Variants in PTGFRN observed in about 807,000 individuals in gnomAD.
PTGFRN encodes the protein prostaglandin F2 receptor inhibitor, also known as prostaglandin F2 receptor negative regulator.
In PTGFRN, 35 loss-of-function variants were observed where a neutral mutation model predicts 83.2. The ratio of observed to expected loss-of-function variants is 0.42; its 90% CI spans 0.32 to 0.56. The LOEUF is 0.56. PTGFRN is among the 20% of genes least tolerant of loss of function. PTGFRN has a pLI of 0.11. For synonymous variants in PTGFRN, 519 were observed against 498.6 expected (o/e 1.04, Z -0.55); for missense variants, 1,051 against 1,179.5 (o/e 0.89, Z 1.60).
chr1:116,947,063 G>A (rs541713631), intron 3 of PTGFRN, among the ~76,000 whole-genome samples: 2 of 152,270 alleles, frequency 1.3e-5, no homozygotes, highest in South Asian at 2.1e-4. Context: ...TAAAGATGGA[G>A]TTTTTTTCCC....
In PTGFRN at chr1:116,944,758, G is replaced by A. The variant is rs1221574467; in HGVS notation, c.498G>A (p.Glu166=). 6.6e-7 allele frequency: 1 copy of A among 1,518,854 alleles called. No homozygotes were observed. Among genetic ancestry groups the A allele is most frequent in the South Asian group, 1.3e-5 (1 of 79,106 alleles). The allele number at this position is 1,518,854 out of a possible 1,614,324, so 94.1% of individuals were successfully genotyped here. ...SLSLREGEPF[E]LRCTAASASP... ...GCCTGCGGGAGGGGGAGCCCTTCGA[G>A]CTGCGCTGCACCGCCGCCTCCGCCT... The change falls in exon 3 of 9, where the codon GAG becomes GAA. Residue 166 remains glutamate, a synonymous_variant. Coordinates refer to ENST00000393203, the MANE Select transcript of PTGFRN (RefSeq NM_020440.4).
At chr1:116,953,621 C>T (rs762433778) in intron 4 of PTGFRN, among the ~76,000 whole-genome samples, 3 of 152,012 alleles carry the variant, frequency 2.0e-5, no homozygotes, top group African/African-American at 7.2e-5. Context: ...TCTTCCCCAC[C>T]AAGTTCTTAA....
chr1:116,957,581 A>G (rs1650534706), intron 4 of PTGFRN, among the ~76,000 whole-genome samples: 2 of 152,150 alleles, frequency 1.3e-5, no homozygotes, highest in African/African-American at 2.4e-5. Context: ...AAATCAAGCT[A>G]ATTAACATAT....
In PTGFRN at chr1:116,918,898, A is replaced by G. The variant is rs1649471552; in HGVS notation, c.49+8646A>G. The stretch of plus-strand genomic sequence containing the variant: ...TCACAGGAAAGATTAGCCAAGGAGT[A>G]CACGTGGGATAGGCAGGTGAGTGGG... On this transcript the variant is annotated intron_variant, in intron 1 of 8. Coordinates refer to ENST00000393203, the MANE Select transcript of PTGFRN (RefSeq NM_020440.4). This position sits in a 1 kb window ranked among gnomAD's most constrained non-coding sequence, Gnocchi z 4.1. Among the ~76,000 whole-genome samples, 1 of 152,186 alleles carries G rather than the reference A, an allele frequency of 6.6e-6. No homozygotes were observed. Among genetic ancestry groups the G allele is most frequent in the South Asian group, 2.1e-4 (1 of 4,818 alleles).
intron 4 of PTGFRN, 63 bp downstream of exon 4, chr1:116,949,635 A>T: frequency 6.5e-7 from 1 of 1,541,356 alleles, no homozygotes; most frequent in Non-Finnish European, 8.7e-7. Flanking sequence ...AGTTATCTGA[A>T]GGAGTTATCT....
intron 1 of PTGFRN, among the ~76,000 whole-genome samples, chr1:116,940,481 C>G (rs1650033291): frequency 6.6e-6 from 1 of 152,198 alleles, no homozygotes; most frequent in Admixed American, 6.5e-5. Flanking sequence ...CTAATTATAT[C>G]TGTGACAACC....
At chr1:116,949,061 A>T in intron 3 of PTGFRN, 131 bp from the exon 4 acceptor site, 2 of 1,126,052 alleles carry the variant, frequency 1.8e-6, no homozygotes, top group Non-Finnish European at 2.5e-6. Context: ...TCAAGCACTT[A>T]CAACTGTACA....
intron 3 of PTGFRN, among the ~76,000 whole-genome samples, chr1:116,947,590 ACT>A (rs1650233296): frequency 6.6e-6 from 1 of 151,948 alleles, no homozygotes; most frequent in Non-Finnish European, 1.5e-5. Flanking sequence ...TGAACCTGAG[ACT>A]CTGTTTTCTC....
intron 3 of PTGFRN, among the ~76,000 whole-genome samples, chr1:116,948,537 T>G (rs1355130573): frequency 1.3e-5 from 2 of 152,242 alleles, no homozygotes; most frequent in African/African-American, 4.8e-5. Context: ...GAAAATTGTC[T>G]GGTTTCACTT....
In PTGFRN at chr1:116,967,237, A is replaced by T; in HGVS notation, c.1966A>T (p.Met656Leu). Residue 656 changes from methionine to leucine, a missense_variant, in exon 6 of 9, where the codon ATG (methionine) becomes TTG (leucine). Coordinates refer to ENST00000393203, the MANE Select transcript of PTGFRN (RefSeq NM_020440.4). Reference sequence around the variant, plus strand: ...CTCAGACGCAGGGCTGTACCGCTGCATGGTGACAGCCTGGTCTCCTGTCAG... The same window carrying T: ...CTCAGACGCAGGGCTGTACCGCTGCTTGGTGACAGCCTGGTCTCCTGTCAG... ...QVSDAGLYRCMVTAWSPVRGS... is the reference protein window; with the variant it reads ...QVSDAGLYRCLVTAWSPVRGS... 1 of 1,614,220 alleles carries T rather than the reference A, an allele frequency of 6.2e-7. No individual in the cohort carries two copies. The highest frequency in any genetic ancestry group is 8.5e-7 in the Non-Finnish European group (1 of 1,180,042).
intron 6 of PTGFRN, among the ~76,000 whole-genome samples, chr1:116,971,211 C>G (rs1282070843): frequency 6.6e-6 from 1 of 152,154 alleles, no homozygotes; most frequent in Non-Finnish European, 1.5e-5. Context: ...AAGATCAGCA[C>G]TTTCCATATT....
At chr1:116,943,064 CT>C (rs1222006979) in intron 2 of PTGFRN, among the ~76,000 whole-genome samples, 1 of 152,128 alleles carries the variant, frequency 6.6e-6, no homozygotes, top group Non-Finnish European at 1.5e-5. Context: ...GGATTTATGT[CT>C]GGGTCAGAAT....
At chr1:116,929,838 A>G (rs1255539204) in intron 1 of PTGFRN, among the ~76,000 whole-genome samples, 1 of 150,178 alleles carries the variant, frequency 6.7e-6, no homozygotes, top group Non-Finnish European at 1.5e-5. Flanking sequence ...TGCAGGATGA[A>G]CCCCCTGCTT....
intron 7 of PTGFRN, among the ~76,000 whole-genome samples, chr1:116,981,223 G>A (rs1341346636): frequency 6.6e-6 from 1 of 152,096 alleles, no homozygotes; most frequent in African/African-American, 2.4e-5. Flanking sequence ...TACTGAGCAG[G>A]ACTGTACCCA....
At chr1:116,945,722 T>C (rs1488497100) in intron 3 of PTGFRN, among the ~76,000 whole-genome samples, 4 of 151,192 alleles carry the variant, frequency 2.6e-5, no homozygotes, top group African/African-American at 7.3e-5. Context: ...AGAAGCCCTT[T>C]GTCCTGTCGT....
chr1:116,921,041 A>G (rs960636078), intron 1 of PTGFRN, among the ~76,000 whole-genome samples: 3 of 152,180 alleles, frequency 2.0e-5, no homozygotes, highest in Non-Finnish European at 2.9e-5. Context: ...GAAGGTTCAA[A>G]ATGATGCTGG....
At chr1:116,937,091 G>C (rs1649940545) in intron 1 of PTGFRN, among the ~76,000 whole-genome samples, 1 of 152,232 alleles carries the variant, frequency 6.6e-6, no homozygotes, top group African/African-American at 2.4e-5. Context: ...TGAAGCTGGT[G>C]AAGGAGCTAG....
At chr1:116,922,939 A>G (rs2101053111) in intron 1 of PTGFRN, among the ~76,000 whole-genome samples, 1 of 152,328 alleles carries the variant, frequency 6.6e-6, no homozygotes, top group African/African-American at 2.4e-5. Flanking sequence ...TTGGATTTCA[A>G]GTAAAGCCTC....
intron 1 of PTGFRN, among the ~76,000 whole-genome samples, chr1:116,910,578 C>T (rs977173315): frequency 1.3e-5 from 2 of 152,028 alleles, no homozygotes; most frequent in African/African-American, 4.8e-5. Context: ...GCCGGGAGCC[C>T]GGCTCACCTT....
Sources: allele counts gnomAD v4.1 joint callset (sites outside exome capture counted in the v4.1 genomes callset), GRCh38; gene constraint gnomAD v4.1.1; non-coding constraint Gnocchi (gnomAD v3.1); transcripts MANE v1.5; gene names NCBI Gene and HGNC (gene_info 2026-07-23, HGNC 2026-07-21).